Variants in TPX2 observed in about 807,000 individuals in gnomAD.
TPX2 encodes the protein TPX2 microtubule nucleation factor.
A neutral mutation model predicts 93.6 loss-of-function variants in TPX2; 21 were observed. That is an observed-to-expected ratio of 0.22 (90% CI 0.16 to 0.32). The LOEUF (loss-of-function observed/expected upper bound fraction) is 0.32, where lower values mean the gene tolerates loss of function less well. Among genes scored for constraint, TPX2 ranks in the 10% least tolerant of loss-of-function variants. TPX2 has a pLI of 1.00. For missense variants in TPX2, 776 were observed against 871.1 expected, an observed-to-expected ratio of 0.89 and a Z score of 1.37; for synonymous variants, 281 against 298.3, an observed-to-expected ratio of 0.94 and a Z score of 0.60.
intron 7 of TPX2, among the ~76,000 whole-genome samples, chr20:31,772,805 T>C (rs540104095): frequency 1.3e-5 from 2 of 152,260 alleles, no homozygotes; most frequent in South Asian, 4.1e-4. Flanking sequence ...TTTTCATGAT[T>C]ATAAGTACTC....
intron 11 of TPX2, 68 bp downstream of exon 11, chr20:31,782,458 A>G (rs2062039067): frequency 6.5e-7 from 1 of 1,527,952 alleles, no homozygotes; most frequent in African/African-American, 1.4e-5. Flanking sequence ...CAGTTCTGTT[A>G]GGGTGACAGT....
intron 4 of TPX2, 143 bp downstream of exon 4, chr20:31,760,322 G>A (rs2122989739): frequency 9.1e-7 from 1 of 1,093,168 alleles, no homozygotes; most frequent in East Asian, 2.8e-5. Context: ...CATGATAAAT[G>A]TAAAACTAAT....
At chr20:31,755,563 A>G (rs1256952606) in intron 2 of TPX2, among the ~76,000 whole-genome samples, 1 of 149,176 alleles carries the variant, frequency 6.7e-6, no homozygotes, top group East Asian at 2.1e-4. Flanking sequence ...CAGGAGTTTG[A>G]GACCAGCCTG....
chr20:31,771,200 G>A (rs116351031), intron 6 of TPX2, among the ~76,000 whole-genome samples: 1,658 of 152,206 alleles, frequency 0.011, 21 homozygotes, highest in African/African-American at 0.038. Flanking sequence ...AGCTTAGTGC[G>A]TTGCTGCTCC....
At position 31,759,666 on chromosome 20, in the gene TPX2, G is replaced by A. The variant is rs575140455; in HGVS notation, c.107-391G>A. 1.6e-3 allele frequency among the ~76,000 whole-genome samples: 243 copies of A among 152,110 alleles called. 2 individuals are homozygous for A. Among genetic ancestry groups the A allele is most frequent in the African/African-American group, 5.7e-3 (237 of 41,498 alleles). ...ACCCGCCTCGGCCTCCCAAAGTGCT[G>A]GGATTACAGGTGTGAGCCATCGCTC... is the stretch of plus-strand genomic sequence containing the variant. On this transcript the variant is annotated intron_variant, in intron 3 of 17. Coordinates refer to ENST00000300403, the MANE Select transcript of TPX2 (RefSeq NM_012112.5).
intron 2 of TPX2, among the ~76,000 whole-genome samples, chr20:31,744,196 C>CTTT (rs1473628749): frequency 5.8e-4 from 72 of 124,880 alleles, no homozygotes; most frequent in African/African-American, 2.3e-3. Flanking sequence ...GAGTCTCACT[C>CTTT]TGTCGCCCGG....
rs376974634 is a variant in TPX2 at position 31,771,545 on chromosome 20, C to A, written c.486-15C>A. On this transcript the variant is annotated splice_polypyrimidine_tract_variant and intron_variant, in intron 6 of 17. Coordinates refer to ENST00000300403, the MANE Select transcript of TPX2 (RefSeq NM_012112.5). ...AGGGAATTGAAAACATATTTTTTGT[C>A]CTTTTGAACTCAAGTTCTAACAACA... 7 of 1,606,730 alleles carry A rather than the reference C, an allele frequency of 4.4e-6. No homozygotes were observed. The African/African-American group carries it at 8.1e-5, about 19-fold the overall frequency.
At chr20:31,787,639 G>T (rs528695813) in intron 12 of TPX2, among the ~76,000 whole-genome samples, 5 of 152,286 alleles carry the variant, frequency 3.3e-5, no homozygotes, top group Admixed American at 3.3e-4. Flanking sequence ...AAGGGGAAGA[G>T]ATTTTGAAAA....
chr20:31,764,500 C>T (rs2061911874), intron 4 of TPX2, among the ~76,000 whole-genome samples: 1 of 152,094 alleles, frequency 6.6e-6, no homozygotes, highest in Non-Finnish European at 1.5e-5. Flanking sequence ...TCTTCTTTAT[C>T]CCCATTGAAA....
At chr20:31,746,052 G>A (rs1471658241) in intron 2 of TPX2, among the ~76,000 whole-genome samples, 2 of 152,244 alleles carry the variant, frequency 1.3e-5, no homozygotes, top group Non-Finnish European at 2.9e-5. Flanking sequence ...TTTCTGGACA[G>A]TGATGAATTA....
chr20:31,794,501 G>GAGACTGACAGA lies in TPX2; in HGVS notation c.1790_1800dup (p.Gly601LeufsTer7). The GAGACTGACAGA allele has an allele frequency of 6.2e-7, 1 of 1,614,074 alleles. No homozygotes were observed. ...GACCCAGATTGAACCTTTCTGCTTG[G>GAGACTGACAGA]AGACTGACAGAAGAGGTGCTCTGAA... On this transcript the variant is annotated frameshift_variant, in exon 15 of 18. Coordinates refer to ENST00000300403, the MANE Select transcript of TPX2 (RefSeq NM_012112.5). LOFTEE classifies it high-confidence loss of function.
chr20:31,800,468 A>G (rs1285205957), intron 17 of TPX2, among the ~76,000 whole-genome samples: 3 of 152,196 alleles, frequency 2.0e-5, no homozygotes, highest in African/African-American at 7.2e-5. Flanking sequence ...TTGATTTTAG[A>G]CTACCCTAAA....
chr20:31,800,230 A>C (rs1409824760), intron 17 of TPX2, among the ~76,000 whole-genome samples: 2 of 152,204 alleles, frequency 1.3e-5, no homozygotes, highest in Non-Finnish European at 2.9e-5. Flanking sequence ...CCATTTGCTG[A>C]GTGAATGAGA....
chr20:31,740,962 A>G (rs1470045599), intron 1 of TPX2, among the ~76,000 whole-genome samples: 1 of 152,234 alleles, frequency 6.6e-6, no homozygotes, highest in African/African-American at 2.4e-5. Context: ...CTAGGTTGGT[A>G]AATTTGTTTA....
chr20:31,754,740 G>A (rs543433648), intron 2 of TPX2, among the ~76,000 whole-genome samples: 6 of 152,216 alleles, frequency 3.9e-5, no homozygotes, highest in African/African-American at 1.2e-4. Flanking sequence ...TATCTTTAAA[G>A]TGAAAATATT....
At chr20:31,764,960 G>GT (rs111384414) in intron 4 of TPX2, among the ~76,000 whole-genome samples, 13,416 of 141,406 alleles carry the variant, frequency 0.095, 665 homozygotes, top group African/African-American at 0.15. Context: ...TTTTGTTTTT[G>GT]TTTTTTTTTT....
chr20:31,775,463 C>G (rs993100775), intron 7 of TPX2, among the ~76,000 whole-genome samples: 24 of 151,800 alleles, frequency 1.6e-4, no homozygotes, highest in Admixed American at 7.9e-4. Context: ...GCAACCTCCC[C>G]CTCCCAGGTT....
At position 31,760,128 on chromosome 20, in the gene TPX2, C is replaced by G; in HGVS notation, c.178C>G (p.Pro60Ala). ...GTGGLFQGKT[P>A]LRKANLQQAI... ...TGGAGGGCTTTTTCAGGGCAAAACT[C>G]CTTTGAGAAAGGCTAATCTTCAGCA... Residue 60 changes from proline (P) to alanine (A), a missense_variant, in exon 4 of 18, where the codon CCT becomes GCT. Around this residue, in one of 3 missense-constraint regions of TPX2, gnomAD observed 279 missense variants for 261.6 expected, o/e 1.07. Coordinates refer to ENST00000300403, the MANE Select transcript of TPX2 (RefSeq NM_012112.5). 1 of 1,613,762 alleles carries G rather than the reference C, an allele frequency of 6.2e-7. No homozygotes were observed. The highest frequency in any genetic ancestry group is 8.5e-7 in the Non-Finnish European group (1 of 1,179,928).
chr20:31,782,180 G>A, intron 10 of TPX2, 69 bp from the exon 11 acceptor site: 9 of 1,541,298 alleles, frequency 5.8e-6, no homozygotes, highest in African/African-American at 1.4e-5. Flanking sequence ...GGCTACATAG[G>A]TGAATCACCA....
Sources: gnomAD v4.1 joint callset for allele counts (sites outside exome capture counted in the v4.1 genomes callset) on GRCh38, gnomAD v4.1.1 for gene constraint, gnomAD v4.1.1 regional missense constraint, MANE v1.5 for transcripts, NCBI Gene and HGNC (gene_info 2026-07-23, HGNC 2026-07-21) for gene names.